GPC6: variants seen among roughly 807,000 people sequenced by gnomAD.
GPC6 encodes the protein glypican 6.
In GPC6, 14 loss-of-function variants were observed where a neutral mutation model predicts 55.2. That is an observed-to-expected ratio of 0.25 (90% CI 0.17 to 0.40). The LOEUF (loss-of-function observed/expected upper bound fraction) is 0.40. Ranked by LOEUF, GPC6 falls within the 10% of genes least tolerant of loss-of-function variation. The pLI is 1.00. For missense variants in GPC6, 641 were observed against 708.5 expected (o/e 0.90, Z 1.08); for synonymous variants, 278 against 259.6 (o/e 1.07, Z -0.68).
At chr13:94,239,657 T>C (rs1238849006) in intron 4 of GPC6, among the ~76,000 whole-genome samples, 2 of 152,192 alleles carry the variant, frequency 1.3e-5, no homozygotes, top group African/African-American at 4.8e-5. Context: ...ATGTGAATTA[T>C]GAATTTATTC....
At chr13:94,317,462 T>C (rs1275631723) in intron 6 of GPC6, among the ~76,000 whole-genome samples, 4 of 152,202 alleles carry the variant, frequency 2.6e-5, no homozygotes, top group African/African-American at 9.7e-5. Flanking sequence ...GGCAGCAAAC[T>C]GCCCTAATTG....
At chr13:93,475,634 T>G (rs1273780940) in intron 1 of GPC6, among the ~76,000 whole-genome samples, 1 of 152,202 alleles carries the variant, frequency 6.6e-6, no homozygotes, top group African/African-American at 2.4e-5. Context: ...ACTATTTCTT[T>G]CACTATATGT....
intron 4 of GPC6, among the ~76,000 whole-genome samples, chr13:94,048,001 CA>C (rs1386342001): frequency 4.0e-5 from 6 of 151,488 alleles, no homozygotes; most frequent in South Asian, 4.2e-4. Flanking sequence ...AAATATTTAA[CA>C]TTTTTTTTCT....
chr13:93,490,754 G>A (rs1253085048), intron 1 of GPC6, among the ~76,000 whole-genome samples: 1 of 119,922 alleles, frequency 8.3e-6, no homozygotes, highest in African/African-American at 3.1e-5. Context: ...CCACCCATGA[G>A]TGAGAATATG....
intron 1 of GPC6, among the ~76,000 whole-genome samples, chr13:93,384,713 G>A (rs1019420257): frequency 1.3e-5 from 2 of 152,168 alleles, no homozygotes; most frequent in Admixed American, 6.5e-5. Context: ...AGATTTGAGT[G>A]GTGAAAGAGG....
intron 2 of GPC6, among the ~76,000 whole-genome samples, chr13:93,755,732 G>C (rs1884745243): frequency 6.6e-6 from 1 of 152,162 alleles, no homozygotes; most frequent in Non-Finnish European, 1.5e-5. Flanking sequence ...TCTTCCATAA[G>C]TTGAGCCATC....
At chr13:94,144,440 CA>C (rs1437523981) in intron 4 of GPC6, among the ~76,000 whole-genome samples, 1 of 128,630 alleles carries the variant, frequency 7.8e-6, no homozygotes, top group East Asian at 2.4e-4. Context: ...CACACACACA[CA>C]CACCAGAAAT....
chr13:93,763,507 G>T (rs2138880234), intron 2 of GPC6, among the ~76,000 whole-genome samples: 1 of 152,270 alleles, frequency 6.6e-6, no homozygotes, highest in East Asian at 1.9e-4. Flanking sequence ...TACTCTCTCG[G>T]AGAGGTTTTC....
chr13:93,939,102 A>G (rs1459090807), intron 3 of GPC6, among the ~76,000 whole-genome samples: 1 of 151,770 alleles, frequency 6.6e-6, no homozygotes, highest in Non-Finnish European at 1.5e-5. Flanking sequence ...GTGTCAAAAA[A>G]AATAAAAAAT....
intron 6 of GPC6, among the ~76,000 whole-genome samples, chr13:94,325,793 C>T (rs1044743412): frequency 6.6e-6 from 1 of 152,164 alleles, no homozygotes; most frequent in African/African-American, 2.4e-5. Context: ...CTTTGGTTTA[C>T]CATGTTTGGC....
chr13:94,237,171 A>G (rs1225516645), intron 4 of GPC6, among the ~76,000 whole-genome samples: 1 of 152,166 alleles, frequency 6.6e-6, no homozygotes, highest in African/African-American at 2.4e-5. Flanking sequence ...GCTGAGGTAG[A>G]AAAAGACTAC....
intron 6 of GPC6, among the ~76,000 whole-genome samples, chr13:94,337,294 C>T (rs1877758409): frequency 6.6e-6 from 1 of 151,948 alleles, no homozygotes; most frequent in African/African-American, 2.4e-5. Context: ...GTAAATAGCG[C>T]CTGATGAGGA....
intron 4 of GPC6, among the ~76,000 whole-genome samples, chr13:94,271,382 G>GCGCGCGCACA (rs1491286473): frequency 1.1e-4 from 14 of 126,760 alleles, no homozygotes; most frequent in East Asian, 4.4e-4. Flanking sequence ...GCGCGCGCGC[G>GCGCGCGCACA]CACACACACA....
At chr13:94,392,672 ACCCTCTTGGTC>A in intron 7 of GPC6, among the ~76,000 whole-genome samples, 2 of 142,106 alleles carry the variant, frequency 1.4e-5, no homozygotes, top group African/African-American at 5.3e-5. Flanking sequence ...CAGGTGATCC[ACCCTCTTGGTC>A]AGGCTGGTCT....
At chr13:93,435,918 T>A (rs1202071646) in intron 1 of GPC6, among the ~76,000 whole-genome samples, 1 of 152,168 alleles carries the variant, frequency 6.6e-6, no homozygotes, top group African/African-American at 2.4e-5. Flanking sequence ...GGAATCTGAA[T>A]GTCTTGGCTC....
At chr13:93,850,408 C>T (rs919678091) in intron 3 of GPC6, among the ~76,000 whole-genome samples, 1 of 151,908 alleles carries the variant, frequency 6.6e-6, no homozygotes, top group Non-Finnish European at 1.5e-5. Context: ...CAAGCTCAAC[C>T]TATGGGGACC....
At chr13:93,501,483 T>C (rs1880518352) in intron 1 of GPC6, among the ~76,000 whole-genome samples, 1 of 152,212 alleles carries the variant, frequency 6.6e-6, no homozygotes, top group Non-Finnish European at 1.5e-5. Flanking sequence ...AATTTCAGAC[T>C]GTCAAAGTTG....
At chr13:93,542,032 A>T (rs1882328302) in intron 1 of GPC6, among the ~76,000 whole-genome samples, 1 of 151,928 alleles carries the variant, frequency 6.6e-6, no homozygotes, top group Non-Finnish European at 1.5e-5. Context: ...GTTTAATTAG[A>T]TCCCATTTGT....
rs373405473 is a variant in GPC6, at chr13:93,537,111, G to A, written c.161-8152G>A. 6.9e-4 allele frequency among the ~76,000 whole-genome samples: 105 copies of A among 152,176 alleles called. 2 individuals are homozygous for A. Among genetic ancestry groups the A allele is most frequent in the African/African-American group, 2.4e-3 (99 of 41,516 alleles). ...TTTCCTGAAGACACCTCCATCACCCGCGCCCCAAATATCTATGTCTCTTTT... is the reference window on the plus strand; with the variant it reads ...TTTCCTGAAGACACCTCCATCACCCACGCCCCAAATATCTATGTCTCTTTT... On this transcript the variant is annotated intron_variant, in intron 1 of 8. Coordinates refer to ENST00000377047, the MANE Select transcript of GPC6 (RefSeq NM_005708.5).
Sources: gnomAD v4.1 joint callset for allele counts (sites outside exome capture counted in the v4.1 genomes callset) on GRCh38, gnomAD v4.1.1 for gene constraint, MANE v1.5 for transcripts, NCBI Gene and HGNC (gene_info 2026-07-23, HGNC 2026-07-21) for gene names.